The following NIM1K variants were observed in gnomAD, a reference collection of about 807,000 sequenced individuals.
The protein encoded by NIM1K is NIM1 serine/threonine protein kinase, also known as serine/threonine-protein kinase NIM1.
NIM1K carries 35 observed loss-of-function variants against 37.1 expected under a neutral mutation model. The ratio of observed to expected loss-of-function variants is 0.94; its 90% CI spans 0.72 to 1.25. The LOEUF is 1.25. Among genes scored for constraint, NIM1K ranks in the 50% most tolerant of loss-of-function variants. The pLI is 0.00. For synonymous variants in NIM1K, 234 were observed against 206.6 expected, an observed-to-expected ratio of 1.13 and a Z score of -1.14; for missense variants, 564 against 548.0, an observed-to-expected ratio of 1.03 and a Z score of -0.29.
Position 43,280,087 on chromosome 5 carries a change from A to C in NIM1K, c.669A>C (p.Lys223Asn). ...TTGGATTCAGCACAGTAAGCAAAAA[A>C]GGTGAAATGCTGAACACTTTCTGTG... Reference protein sequence around the residue: ...GDFGFSTVSKKGEMLNTFCGS... With the variant: ...GDFGFSTVSKNGEMLNTFCGS... The change falls in exon 4 of 4, where the codon AAA becomes AAC. Residue 223 changes from lysine (K) to asparagine (N), a missense_variant. Transcript: ENST00000326035. 1 of 1,614,202 alleles carries C rather than the reference A, an allele frequency of 6.2e-7. No homozygotes were observed.
chr5:43,262,892 T>C lies in NIM1K; in HGVS notation c.293-14165T>C, dbSNP rs1019213055. Among the ~76,000 whole-genome samples, 6 of 152,180 alleles carry C rather than the reference T, an allele frequency of 3.9e-5. No individual in the cohort carries two copies. The East Asian group carries it at 5.8e-4, about 15-fold the overall frequency. On this transcript the variant is annotated intron_variant, in intron 2 of 3. Coordinates refer to ENST00000326035, the MANE Select transcript of NIM1K (RefSeq NM_153361.4). ...ATGTGGTTTTTGTCTTTGGTTCTGT[T>C]TGTATAATGATGGATTACGTTTATT...
intron 2 of NIM1K, among the ~76,000 whole-genome samples, chr5:43,271,087 G>C (rs1251309691): frequency 6.7e-6 from 1 of 149,418 alleles, no homozygotes; most frequent in East Asian, 1.9e-4. Context: ...GCTTCCAGCA[G>C]CTTCTTTTTT....
At chr5:43,207,525 T>C in intron 1 of NIM1K, 1 of 668,452 alleles carries the variant, frequency 1.5e-6, no homozygotes, top group Admixed American at 1.8e-5. Context: ...TTAACAGCTG[T>C]TCCAATCTCC....
At chr5:43,231,709 C>T (rs918788937) in intron 1 of NIM1K, 6 of 629,380 alleles carry the variant, frequency 9.5e-6, no homozygotes, top group African/African-American at 1.9e-5. Flanking sequence ...TATATTAGAG[C>T]ATACACTGCT....
chr5:43,257,207 G>C (rs988701746), intron 2 of NIM1K, among the ~76,000 whole-genome samples: 1 of 151,928 alleles, frequency 6.6e-6, no homozygotes. Flanking sequence ...AAGTGAAAAA[G>C]GTATTTTTAA....
rs137996384 is a variant in NIM1K, at chr5:43,270,038, C to A, written c.293-7019C>A. Among the ~76,000 whole-genome samples, 1,494 of 152,258 alleles carry A rather than the reference C, an allele frequency of 9.8e-3. 24 individuals carry two copies. Among genetic ancestry groups the A allele is most frequent in the African/African-American group, 0.032 (1,345 of 41,542 alleles). ...AGTCCTTTTAGAATTTTGTGTATGGCTGGTCTGGTAGTTACAAATTCCTTC... is the reference window on the plus strand; with the variant it reads ...AGTCCTTTTAGAATTTTGTGTATGGATGGTCTGGTAGTTACAAATTCCTTC... On this transcript the variant is annotated intron_variant, in intron 2 of 3. Transcript: ENST00000326035.
chr5:43,233,575 C>T, intron 1 of NIM1K, among the ~76,000 whole-genome samples: 1 of 152,328 alleles, frequency 6.6e-6, no homozygotes, highest in Non-Finnish European at 1.5e-5. Flanking sequence ...GCCTGTTACC[C>T]TGATAGACTT....
In NIM1K at chr5:43,245,633, G is replaced by A. The variant is rs1752765185; in HGVS notation, c.-143G>A. On this transcript the variant is annotated 5_prime_UTR_variant, in exon 2 of 4. Coordinates refer to ENST00000326035, the MANE Select transcript of NIM1K (RefSeq NM_153361.4). ...TGCCTTCCTCTCACTAAAGCCGAGA[G>A]GGAGGCTGCTCAGCTCTCAGGAAAA... The A allele has an allele frequency of 2.7e-6, 2 of 750,972 alleles. No homozygotes were observed. Among genetic ancestry groups the A allele is most frequent in the Admixed American group, 5.0e-5 (2 of 39,724 alleles). The allele number at this position is 750,972 out of a possible 1,614,324, so 46.5% of individuals were successfully genotyped here. A position where few individuals can be genotyped will look rare whatever the true frequency, so the allele number is the denominator to read the frequency against.
chr5:43,215,574 T>C (rs941957169), intron 1 of NIM1K, among the ~76,000 whole-genome samples: 1 of 152,186 alleles, frequency 6.6e-6, no homozygotes, highest in Non-Finnish European at 1.5e-5. Flanking sequence ...GCTGGAATCA[T>C]AGGCGTGCGC....
chr5:43,255,755 A>AAAG (rs1262738207), intron 2 of NIM1K, among the ~76,000 whole-genome samples: 1 of 5,032 alleles, frequency 2.0e-4, no homozygotes, highest in South Asian at 0.011. Context: ...CTCAAAAAAA[A>AAAG]AAGAAAGAAA....
intron 2 of NIM1K, among the ~76,000 whole-genome samples, chr5:43,270,991 C>T (rs1469080454): frequency 6.6e-6 from 1 of 152,030 alleles, no homozygotes; most frequent in East Asian, 1.9e-4. Context: ...TGTAATTTGT[C>T]TTCATGTTTA....
At chr5:43,224,554 G>GT (rs1370882476) in intron 1 of NIM1K, among the ~76,000 whole-genome samples, 4 of 151,904 alleles carry the variant, frequency 2.6e-5, no homozygotes, top group African/African-American at 4.8e-5. Context: ...TGAGGGATTG[G>GT]TTTTTTTACC....
Position 43,240,756 on chromosome 5 carries a change from C to T in NIM1K, c.-694-4326C>T, listed in dbSNP as rs534940259. ...TTCACCATGTTGGTCAGGCTGGTCT[C>T]GAACTCCTGACCTCAAATGATCCAC... On this transcript the variant is annotated intron_variant, in intron 1 of 3. Coordinates refer to ENST00000326035, the MANE Select transcript of NIM1K (RefSeq NM_153361.4). Among the ~76,000 whole-genome samples, 60 of 151,648 alleles carry T rather than the reference C, an allele frequency of 4.0e-4. 1 individual carries two copies. The highest frequency in any genetic ancestry group is 1.3e-3 in the African/African-American group (53 of 41,164).
At chr5:43,258,115 T>G (rs535527418) in intron 2 of NIM1K, among the ~76,000 whole-genome samples, 8 of 152,280 alleles carry the variant, frequency 5.3e-5, no homozygotes, top group Non-Finnish European at 1.0e-4. Context: ...ATTCTCTACA[T>G]CCTGAAGTGT....
chr5:43,222,588 GC>G (rs1752396719), intron 1 of NIM1K, among the ~76,000 whole-genome samples: 1 of 151,994 alleles, frequency 6.6e-6, no homozygotes, highest in Non-Finnish European at 1.5e-5. Context: ...AAAAAAACTA[GC>G]CGAGCATGGT....
At chr5:43,238,684 G>A (rs969704799) in intron 1 of NIM1K, among the ~76,000 whole-genome samples, 7 of 152,016 alleles carry the variant, frequency 4.6e-5, no homozygotes, top group Middle Eastern at 3.4e-3. Context: ...GGATTGTGCG[G>A]TAGATGGCTA....
rs564338443 is a variant in NIM1K at position 43,221,272 on chromosome 5, C to T, written c.-694-23810C>T. ...GGCCGATCACTTGACGTCAGGAGTT[C>T]GAGACCAGCTTGGCCAACATAATGA... On this transcript the variant is annotated intron_variant, in intron 1 of 3. Coordinates refer to ENST00000326035, the MANE Select transcript of NIM1K (RefSeq NM_153361.4). 1.2e-4 allele frequency among the ~76,000 whole-genome samples: 18 copies of T among 151,770 alleles called. No individual in the cohort carries two copies. In the Middle Eastern group the frequency reaches 0.01, roughly 86 times the overall value.
Position 43,238,963 on chromosome 5 carries a change from CG to C in NIM1K, c.-694-6113del, listed in dbSNP as rs1034916518. Among the ~76,000 whole-genome samples, 3 of 55,586 alleles carry C rather than the reference CG, an allele frequency of 5.4e-5. No homozygotes were observed. The Admixed American group carries it at 8.4e-4, about 16-fold the overall frequency. The allele number at this position is 55,586 out of a possible 152,430, so 36.5% of individuals were successfully genotyped here. The stretch of plus-strand genomic sequence containing the variant: ...TTGAGGAGGGAAAGGCTGGCGGGGG[CG>C]GGGGGTGGGGTCTCACTGCTCTAAC... On this transcript the variant is annotated intron_variant, in intron 1 of 3. Transcript: ENST00000326035.
intron 3 of NIM1K, among the ~76,000 whole-genome samples, chr5:43,278,014 C>T (rs909032841): frequency 6.9e-6 from 1 of 145,246 alleles, no homozygotes; most frequent in Non-Finnish European, 1.5e-5. Context: ...CCCTTCCTTT[C>T]TTTTCCTTCC....
Sources: allele counts gnomAD v4.1 joint callset (sites outside exome capture counted in the v4.1 genomes callset), GRCh38; gene constraint gnomAD v4.1.1; transcripts MANE v1.5; gene names NCBI Gene and HGNC (gene_info 2026-07-23, HGNC 2026-07-21).